TBL2: variants seen among roughly 807,000 people sequenced by gnomAD.
TBL2 encodes the protein transducin beta like 2.
TBL2 carries 33 observed loss-of-function variants against 41.8 expected under a neutral mutation model. That is an observed-to-expected ratio of 0.79 (90% CI 0.60 to 1.06). The LOEUF (loss-of-function observed/expected upper bound fraction) is 1.06. Among genes scored for constraint, TBL2 ranks in the 50% least tolerant of loss-of-function variants. The pLI, the probability that TBL2 is intolerant of heterozygous loss-of-function variation, is 0.00. For missense variants in TBL2, 522 were observed against 603.8 expected, an observed-to-expected ratio of 0.86 and a Z score of 1.42; for synonymous variants, 239 against 241.7, an observed-to-expected ratio of 0.99 and a Z score of 0.10.
Position 73,570,366 on chromosome 7 carries a change from C to A in TBL2, c.*141G>T. The A allele has an allele frequency of 7.3e-7, 1 of 1,373,228 alleles. No individual in the cohort carries two copies. The highest frequency in any genetic ancestry group is 1.6e-5 in the South Asian group (1 of 62,314). The allele number at this position is 1,373,228 out of a possible 1,614,324, so 85.1% of individuals were successfully genotyped here. ...AGACCTAAGTAGACAAGAGTAGTTT[C>A]AATGGGAAGAAGCAGGGCCACCAGT... On this transcript the variant is annotated 3_prime_UTR_variant, in exon 7 of 7. Transcript: ENST00000305632.
At position 73,570,759 on chromosome 7, in the gene TBL2, C is replaced by T. The variant is rs1554587250; in HGVS notation, c.1092G>A (p.Lys364=). Residue 364 remains lysine (K), a synonymous_variant, in exon 7 of 7, where the codon AAG becomes AAA. Coordinates refer to ENST00000305632, the MANE Select transcript of TBL2 (RefSeq NM_012453.4). ...CATGGACCCGCTCAAAGCACTCCTCCTTCTCGCCCCGCCGGGTATTGTAGA... is the reference window on the plus strand; with the variant it reads ...CATGGACCCGCTCAAAGCACTCCTCTTTCTCGCCCCGCCGGGTATTGTAGA... ...IHLYNTRRGE[K]EECFERVHGE... The T allele has an allele frequency of 5.6e-6, 9 of 1,614,238 alleles. No individual in the cohort carries two copies. The South Asian group carries it at 9.9e-5, about 18-fold the overall frequency.
intron 3 of TBL2, 82 bp from the exon 4 acceptor site, chr7:73,573,553 A>T: frequency 6.4e-7 from 1 of 1,565,760 alleles, no homozygotes; most frequent in Non-Finnish European, 8.7e-7. Context: ...GTTCTCGGGG[A>T]AGTCAAGATC....
intron 5 of TBL2, chr7:73,571,959 A>G (rs1792986052): frequency 6.3e-6 from 1 of 158,548 alleles, no homozygotes; most frequent in Non-Finnish European, 1.4e-5. Flanking sequence ...TACTTGGGGG[A>G]GGCTGAGGCA....
Position 73,571,174 on chromosome 7 carries a change from A to G in TBL2, c.878+15T>C. On this transcript the variant is annotated intron_variant, in intron 6 of 6. Coordinates refer to ENST00000305632, the MANE Select transcript of TBL2 (RefSeq NM_012453.4). ...CCAAGAGCCACTGGTCAGACATCAG[A>G]GCGGATTCACTCACCTCCGTGAGTC... 1 of 1,614,136 alleles carries G rather than the reference A, an allele frequency of 6.2e-7. No individual in the cohort carries two copies. Among genetic ancestry groups the G allele is most frequent in the Non-Finnish European group, 8.5e-7 (1 of 1,180,008 alleles).
At position 73,568,817 on chromosome 7, in the gene TBL2, C is replaced by T. The variant is rs563814648; in HGVS notation, c.*1690G>A. 1 of 152,270 alleles carries T rather than the reference C, an allele frequency of 6.6e-6. No individual in the cohort carries two copies. The highest frequency in any genetic ancestry group is 2.1e-4 in the South Asian group (1 of 4,826). 9.4% of individuals were successfully genotyped at this position (152,270 alleles called of 1,614,324 possible). A position where few individuals can be genotyped will look rare whatever the true frequency, so the allele number is the denominator to read the frequency against. On this transcript the variant is annotated 3_prime_UTR_variant, in exon 7 of 7. Coordinates refer to ENST00000305632, the MANE Select transcript of TBL2 (RefSeq NM_012453.4). ...TGGCACATGCCTGTAATCCCAGCTA[C>T]TCTGGAGGCTGAGGCAGGAGAATCG... is the stretch of plus-strand genomic sequence containing the variant.
In TBL2 at chr7:73,567,550, CCCA is replaced by C. The variant is rs1238193142; in HGVS notation, c.*2954_*2956del. On this transcript the variant is annotated 3_prime_UTR_variant, in exon 7 of 7. Transcript: ENST00000305632. Reference sequence around the variant, plus strand: ...TATACACCGCCATTTAAAATATTTCCCCAAATTTTTTTTTTGAAAAATTTCACA... The same window carrying C: ...TATACACCGCCATTTAAAATATTTCCAATTTTTTTTTTGAAAAATTTCACA... Among the ~76,000 whole-genome samples, 13 of 152,068 alleles carry C rather than the reference CCCA, an allele frequency of 8.5e-5. No individual in the cohort carries two copies. Among genetic ancestry groups the C allele is most frequent in the Admixed American group, 3.9e-4 (6 of 15,250 alleles).
Position 73,571,230 on chromosome 7 carries a change from G to A in TBL2, c.837C>T (p.Ser279=), listed in dbSNP as rs150420769. The stretch of plus-strand genomic sequence containing the variant: ...AGAAAGCAAACGAGTGCACAGCCGC[G>A]GAGTGGCCCTTTAGTTCGAAGGCTC... The part of the protein sequence containing the change: ...VVRAFELKGH[S]AAVHSFAFSN... Residue 279 remains serine (S), a synonymous_variant, in exon 6 of 7, where the codon TCC becomes TCT. Transcript: ENST00000305632. 122 of 1,614,216 alleles carry A rather than the reference G, an allele frequency of 7.6e-5. 2 individuals are homozygous for A. The highest frequency in any genetic ancestry group is 5.6e-4 in the South Asian group (51 of 91,086).
Position 73,570,908 on chromosome 7 carries a change from T to G in TBL2, c.943A>C (p.Lys315Gln), listed in dbSNP as rs371243496. The change falls in exon 7 of 7, where the codon AAG (lysine) becomes CAG (glutamine). Residue 315 changes from lysine (K) to glutamine (Q), a missense_variant. Physicochemically the swap from Lys to Gln is moderately conservative, Grantham distance 53. Transcript: ENST00000305632. The part of the protein sequence containing the change: ...LWDTDVEYKK[K>Q]QDPYLLKTGR... ...GTCTTCAGCAAGTAGGGGTCCTGCT[T>G]CTTCTTGTATTCCACATCTGTGTCC... The G allele has an allele frequency of 1.4e-5, 23 of 1,613,598 alleles. No individual in the cohort carries two copies. The East Asian group carries it at 2.2e-4, about 16-fold the overall frequency.
At position 73,571,473 on chromosome 7, in the gene TBL2, T is replaced by C; in HGVS notation, c.726-132A>G. The C allele has an allele frequency of 1.5e-6, 2 of 1,348,692 alleles. 1 individual carries two copies. Among genetic ancestry groups the C allele is most frequent in the East Asian group, 5.1e-5 (2 of 39,090 alleles). The allele number at this position is 1,348,692 out of a possible 1,614,324, so 83.5% of individuals were successfully genotyped here. A position where few individuals can be genotyped will look rare whatever the true frequency, so the allele number is the denominator to read the frequency against. ...TAATATAAACCTTTAAAGAGTTATT[T>C]TGGCCGGGCGCGGTGGCTCACGCCT... On this transcript the variant is annotated intron_variant, in intron 5 of 6. Coordinates refer to ENST00000305632, the MANE Select transcript of TBL2 (RefSeq NM_012453.4).
intron 1 of TBL2, chr7:73,578,162 G>C: frequency 1.5e-6 from 2 of 1,309,824 alleles, no homozygotes; most frequent in Non-Finnish European, 2.1e-6. Context: ...GGCCACCCCG[G>C]GGACGGCCTG....
chr7:73,573,540 T>C (rs1378153841), intron 3 of TBL2, 69 bp from the exon 4 acceptor site: 5 of 1,592,748 alleles, frequency 3.1e-6, no homozygotes, highest in Non-Finnish European at 3.4e-6. Flanking sequence ...GGTCCTGTGC[T>C]GGGTTCTCGG....
rs782445179 is a variant in TBL2, at chr7:73,570,547, G to C, written c.1304C>G (p.Ala435Gly). The C allele has an allele frequency of 6.3e-7, 1 of 1,598,556 alleles. No individual in the cohort carries two copies. Among genetic ancestry groups the C allele is most frequent in the South Asian group, 1.1e-5 (1 of 88,714 alleles). Residue 435 changes from alanine to glycine, a missense_variant, in exon 7 of 7, where the codon GCC becomes GGC. By Grantham distance (60) the Ala-to-Gly change is moderately conservative (BLOSUM62 0). Coordinates refer to ENST00000305632, the MANE Select transcript of TBL2 (RefSeq NM_012453.4). ...RQRLQQQLTQ[A>G]QETLKSLGAL... The stretch of plus-strand genomic sequence containing the variant: ...ACCCAGGCTCTTCAGGGTCTCTTGG[G>C]CCTGGGTCAGCTGCTGCTGCAGCCT...
In TBL2 at chr7:73,570,021, C is replaced by G. The variant is rs1203452812; in HGVS notation, c.*486G>C. On this transcript the variant is annotated 3_prime_UTR_variant, in exon 7 of 7. Transcript: ENST00000305632. Reference sequence around the variant, plus strand: ...ATTATTCTCCATCTTACAAATAGAACTGAGGCCCAGAAGGAAATCCCTTAG... The same window carrying G: ...ATTATTCTCCATCTTACAAATAGAAGTGAGGCCCAGAAGGAAATCCCTTAG... The G allele has an allele frequency of 6.5e-6, 1 of 154,538 alleles. No individual in the cohort carries two copies. Among genetic ancestry groups the G allele is most frequent in the African/African-American group, 2.4e-5 (1 of 41,484 alleles). 9.6% of individuals were successfully genotyped at this position (154,538 alleles called of 1,614,324 possible).
intron 1 of TBL2, 138 bp from the exon 2 acceptor site, chr7:73,574,651 G>T: frequency 8.1e-7 from 1 of 1,228,122 alleles, no homozygotes; most frequent in Non-Finnish European, 1.2e-6. Flanking sequence ...GAATGAGTGT[G>T]ATATGGGCAA....
intron 1 of TBL2, chr7:73,578,156 A>ACC (rs1793456925): frequency 1.2e-5 from 15 of 1,253,144 alleles, no homozygotes; most frequent in African/African-American, 1.1e-4. Flanking sequence ...TCTCCTGGCC[A>ACC]CCCCGGGGAC....
In TBL2 at chr7:73,574,111, C is replaced by T; in HGVS notation, c.273G>A (p.Gly91=). The T allele has an allele frequency of 3.7e-6, 6 of 1,614,020 alleles. No individual in the cohort carries two copies. Among genetic ancestry groups the T allele is most frequent in the Non-Finnish European group, 4.2e-6 (5 of 1,179,934 alleles). Residue 91 remains glycine, a synonymous_variant, in exon 3 of 7, where the codon GGG becomes GGA. Coordinates refer to ENST00000305632, the MANE Select transcript of TBL2 (RefSeq NM_012453.4). ...TGCTAAAGTCCATGCAAGATATGTT[C>T]CCGCTGTGGCTCTAGGGGAAGGGTG... The part of the protein sequence containing the change: ...LLAAALKSHS[G]NISCMDFSSN...
At chr7:73,578,159 C>G (rs1271134135) in intron 1 of TBL2, 1 of 1,305,590 alleles carries the variant, frequency 7.7e-7, no homozygotes, top group Non-Finnish European at 1.0e-6. Context: ...CCTGGCCACC[C>G]CGGGGACGGC....
intron 1 of TBL2, chr7:73,578,171 T>C: frequency 1.4e-6 from 2 of 1,399,042 alleles, no homozygotes; most frequent in Admixed American, 4.7e-5. Context: ...GGGGACGGCC[T>C]GGCCTCGGCC....
Position 73,578,459 on chromosome 7 carries a change from AC to A in TBL2, c.90del (p.Trp31GlyfsTer56). ...CTCCTCTCCTCCCCCGCGCGCAGCC[AC>A]CCCCGCGCTACCGCCGCCGTCGCCA... ...ALMATAAVARGWLRAGEERSG... is the reference protein window; with the variant it reads ...ALMATAAVARXWLRAGEERSG... On this transcript the variant is annotated frameshift_variant, in exon 1 of 7. Transcript: ENST00000305632. LOFTEE classifies it high-confidence loss of function. The A allele has an allele frequency of 1.9e-6, 3 of 1,555,394 alleles. No homozygotes were observed. Among genetic ancestry groups the A allele is most frequent in the South Asian group, 2.4e-5 (2 of 84,888 alleles).
Sources: gnomAD v4.1 joint callset for allele counts (sites outside exome capture counted in the v4.1 genomes callset) on GRCh38, gnomAD v4.1.1 for gene constraint, MANE v1.5 for transcripts, NCBI Gene and HGNC (gene_info 2026-07-23, HGNC 2026-07-21) for gene names.